Variants in TBC1D8 observed in about 807,000 individuals in gnomAD.
TBC1D8 encodes BUB2-like protein 1.
TBC1D8 carries 65 observed loss-of-function variants against 118.8 expected under a neutral mutation model. The ratio of observed to expected loss-of-function variants is 0.55; its 90% CI spans 0.45 to 0.67. The LOEUF is 0.67. Ranked by LOEUF, TBC1D8 falls within the 30% of genes least tolerant of loss-of-function variation. The probability of loss-of-function intolerance (pLI) is 0.00; values close to 1 mark genes in which losing one functional copy is unlikely to be tolerated. For missense variants in TBC1D8, 1,376 were observed against 1,471.2 expected (o/e 0.94, Z 1.06); for synonymous variants, 566 against 595.8 (o/e 0.95, Z 0.73).
At chr2:101,111,964 C>A (rs1015196837) in intron 1 of TBC1D8, among the ~76,000 whole-genome samples, 11 of 150,426 alleles carry the variant, frequency 7.3e-5, no homozygotes, top group Admixed American at 1.3e-4. Flanking sequence ...GAGATTTCTG[C>A]AGTTGAGCTC....
Position 101,032,411 on chromosome 2 carries a change from TACTG to T in TBC1D8, c.1819-30_1819-27del, listed in dbSNP as rs764137667. ...CTGCTCGGGGGTCAAGGAGGGCAGT[TACTG>T]ACTGGCCCATGTGATGCCACAGAGA... On this transcript the variant is annotated intron_variant, in intron 10 of 19. Coordinates refer to ENST00000409318, the MANE Select transcript of TBC1D8 (RefSeq NM_001330348.2). 5 of 1,586,712 alleles carry T rather than the reference TACTG, an allele frequency of 3.2e-6. No homozygotes were observed. The South Asian group carries it at 5.5e-5, about 18-fold the overall frequency.
chr2:101,132,953 T>G (rs1678658641), intron 1 of TBC1D8, among the ~76,000 whole-genome samples: 2 of 152,006 alleles, frequency 1.3e-5, no homozygotes, highest in South Asian at 2.1e-4. Flanking sequence ...CTTATTCAAA[T>G]TTATAGATGT....
intron 2 of TBC1D8, among the ~76,000 whole-genome samples, chr2:101,084,954 T>G (rs1440332233): frequency 6.6e-6 from 1 of 150,648 alleles, no homozygotes; most frequent in Non-Finnish European, 1.5e-5. Context: ...GTTCACGCCA[T>G]TCTCCTGCCT....
chr2:101,109,918 C>A, intron 1 of TBC1D8: 2 of 985,498 alleles, frequency 2.0e-6, no homozygotes, highest in South Asian at 9.4e-5. Flanking sequence ...AGGAATGAGG[C>A]CCCACTCAAG....
intron 15 of TBC1D8, 79 bp downstream of exon 15, chr2:101,027,304 C>T: frequency 2.2e-6 from 3 of 1,345,584 alleles, no homozygotes; most frequent in South Asian, 1.2e-5. Flanking sequence ...CAGCTGCATG[C>T]TGTCCCCTGG....
intron 1 of TBC1D8, among the ~76,000 whole-genome samples, chr2:101,092,441 T>G (rs1676101051): frequency 6.6e-6 from 1 of 152,212 alleles, no homozygotes; most frequent in East Asian, 1.9e-4. Context: ...TTATTCCTTT[T>G]TCTTTGAAAT....
At chr2:101,116,053 TTATAGC>T (rs1475676949) in intron 1 of TBC1D8, among the ~76,000 whole-genome samples, 1 of 152,232 alleles carries the variant, frequency 6.6e-6, no homozygotes, top group African/African-American at 2.4e-5. Context: ...GCTTAAGTTG[TTATAGC>T]TATAAGAACG....
In TBC1D8 at chr2:101,072,940, C is replaced by T. The variant is rs577123223; in HGVS notation, c.284-13401G>A. Among the ~76,000 whole-genome samples, 156 of 152,258 alleles carry T rather than the reference C, an allele frequency of 1.0e-3. 1 individual carries two copies. The highest frequency in any genetic ancestry group is 3.5e-3 in the African/African-American group (145 of 41,554). On this transcript the variant is annotated intron_variant, in intron 2 of 19. Coordinates refer to ENST00000409318, the MANE Select transcript of TBC1D8 (RefSeq NM_001330348.2). The stretch of plus-strand genomic sequence containing the variant: ...GGAGGTCACATTTCAATATGAGATT[C>T]GAAGGGGACAAAACACCCAAATCAT...
chr2:101,050,298 T>A, intron 5 of TBC1D8, 103 bp downstream of exon 5: 2 of 1,479,486 alleles, frequency 1.4e-6, no homozygotes, highest in Non-Finnish European at 1.8e-6. Context: ...GAAATTTAAA[T>A]CTAACATAAC....
intron 1 of TBC1D8, among the ~76,000 whole-genome samples, chr2:101,104,907 T>G (rs2582930): frequency 6.6e-6 from 1 of 151,604 alleles, no homozygotes. Flanking sequence ...CCAGCTATTC[T>G]GGAGGCTGAA....
intron 2 of TBC1D8, among the ~76,000 whole-genome samples, chr2:101,064,591 T>C (rs900585974): frequency 1.3e-5 from 2 of 152,340 alleles, no homozygotes; most frequent in African/African-American, 4.8e-5. Context: ...TTTCGTTTTC[T>C]AAGAAAATGA....
At chr2:101,131,769 C>T (rs1047032880) in intron 1 of TBC1D8, among the ~76,000 whole-genome samples, 1 of 151,820 alleles carries the variant, frequency 6.6e-6, no homozygotes, top group Non-Finnish European at 1.5e-5. Flanking sequence ...GAGCCAAGAT[C>T]GTGACACGAC....
chr2:101,120,047 C>T (rs1401417077), intron 1 of TBC1D8, among the ~76,000 whole-genome samples: 1 of 152,196 alleles, frequency 6.6e-6, no homozygotes, highest in Non-Finnish European at 1.5e-5. Context: ...GCCTTCACTC[C>T]ATGTCCATCC....
chr2:101,049,982 A>C (rs944908189), intron 5 of TBC1D8, among the ~76,000 whole-genome samples: 7 of 151,710 alleles, frequency 4.6e-5, no homozygotes, highest in African/African-American at 1.7e-4. Context: ...GCCTGCCACC[A>C]CACCCAGCCA....
intron 10 of TBC1D8, chr2:101,032,711 GCACA>G (rs1680745799): frequency 4.2e-6 from 1 of 238,102 alleles, no homozygotes; most frequent in Non-Finnish European, 8.1e-6. Flanking sequence ...GCACACACGT[GCACA>G]CACAAACTTA....
At chr2:101,104,879 T>C (rs1188056411) in intron 1 of TBC1D8, among the ~76,000 whole-genome samples, 1 of 152,084 alleles carries the variant, frequency 6.6e-6, no homozygotes, top group African/African-American at 2.4e-5. Context: ...CCGGGCATGG[T>C]GGCATGCGCC....
chr2:101,102,036 A>C (rs969351066), intron 1 of TBC1D8, among the ~76,000 whole-genome samples: 6 of 107,050 alleles, frequency 5.6e-5, no homozygotes, highest in African/African-American at 2.2e-4. Context: ...GAAGAGAAAG[A>C]GGAGGGGAGT....
chr2:101,033,613 C>T lies in TBC1D8; in HGVS notation c.1749G>A (p.Thr583=), dbSNP rs371476241. 6.2e-6 allele frequency: 10 copies of T among 1,613,804 alleles called. No individual in the cohort carries two copies. The highest frequency in any genetic ancestry group is 3.3e-5 in the Admixed American group (2 of 59,994). The change falls in exon 10 of 20, where the codon ACG becomes ACA. Residue 583 remains threonine, a synonymous_variant. Coordinates refer to ENST00000409318, the MANE Select transcript of TBC1D8 (RefSeq NM_001330348.2). ...LPEHPAFQNE[T]GIAALRRVLT... ...AGACTCTCCTCAAAGCAGCAATTCC[C>T]GTTTCGTTCTGGAAGGCGGGGTGCT...
At chr2:101,136,544 C>T (rs866264328) in intron 1 of TBC1D8, among the ~76,000 whole-genome samples, 1 of 152,232 alleles carries the variant, frequency 6.6e-6, no homozygotes, top group Non-Finnish European at 1.5e-5. Context: ...CAGACAGCTA[C>T]ATAATACTGG....
Sources: allele counts gnomAD v4.1 joint callset (sites outside exome capture counted in the v4.1 genomes callset), GRCh38; gene constraint gnomAD v4.1.1; transcripts MANE v1.5; gene names NCBI Gene and HGNC (gene_info 2026-07-23, HGNC 2026-07-21).